SCLT1: variants seen among roughly 807,000 people sequenced by gnomAD.
SCLT1 encodes sodium channel and clathrin linker 1.
SCLT1 carries 78 observed loss-of-function variants against 112.8 expected under a neutral mutation model. The observed-to-expected ratio is 0.69, with a 90% confidence interval of 0.58 to 0.83. The LOEUF (loss-of-function observed/expected upper bound fraction) is 0.83. Among genes scored for constraint, SCLT1 ranks in the 40% least tolerant of loss-of-function variants. The pLI is 0.00. For synonymous variants in SCLT1, 257 were observed against 254.7 expected (o/e 1.01, Z -0.09); for missense variants, 747 against 770.4 (o/e 0.97, Z 0.36).
intron 18 of SCLT1, among the ~76,000 whole-genome samples, chr4:128,931,088 T>C (rs1444557022): frequency 6.6e-6 from 1 of 150,974 alleles, no homozygotes; most frequent in African/African-American, 2.4e-5. Context: ...CATAGGCATC[T>C]AAAAGCCAAT....
chr4:129,006,556 T>C (rs768031102), intron 5 of SCLT1, among the ~76,000 whole-genome samples: 2 of 141,620 alleles, frequency 1.4e-5, no homozygotes, highest in African/African-American at 2.8e-5. Context: ...AAAAAAAAAA[T>C]TTAAAGGTCA....
intron 9 of SCLT1, among the ~76,000 whole-genome samples, chr4:128,972,593 G>A (rs1014990897): frequency 6.6e-6 from 1 of 152,184 alleles, no homozygotes; most frequent in African/African-American, 2.4e-5. Context: ...AACAGAGGTG[G>A]ATTAGGCAAT....
chr4:129,005,334 C>T (rs1037618956), intron 5 of SCLT1, among the ~76,000 whole-genome samples: 7 of 152,028 alleles, frequency 4.6e-5, no homozygotes, highest in East Asian at 3.8e-4. Flanking sequence ...ATATTTAGTA[C>T]ACTGTACTTT....
chr4:128,939,595 T>A (rs1737509147), intron 17 of SCLT1, among the ~76,000 whole-genome samples: 1 of 152,164 alleles, frequency 6.6e-6, no homozygotes, highest in Admixed American at 6.6e-5. Flanking sequence ...GATAACTGAA[T>A]TGCTGGAAAC....
rs1738125667 is a variant in SCLT1 at position 128,945,995 on chromosome 4, A to G, written c.1439+12T>C. On this transcript the variant is annotated intron_variant, in intron 16 of 20. Transcript: ENST00000281142. ...AAGATGTTATCATAGAAAATCCAAA[A>G]GAAAAACTTACTCAGTTTCAAGTTG... 1 of 1,579,630 alleles carries G rather than the reference A, an allele frequency of 6.3e-7. No individual in the cohort carries two copies. Among genetic ancestry groups the G allele is most frequent in the East Asian group, 2.3e-5 (1 of 44,440 alleles).
chr4:128,892,626 T>C (rs773963670), intron 18 of SCLT1, among the ~76,000 whole-genome samples: 1 of 152,194 alleles, frequency 6.6e-6, no homozygotes. Context: ...GTTATAAATA[T>C]ATAAAACAGA....
At chr4:128,936,627 C>T in intron 18 of SCLT1, 28 bp downstream of exon 18, 1 of 1,401,558 alleles carries the variant, frequency 7.1e-7, no homozygotes, top group Non-Finnish European at 9.8e-7. Context: ...TTCTGTAAAA[C>T]ATGTCAAACA....
intron 10 of SCLT1, among the ~76,000 whole-genome samples, chr4:128,968,904 T>C (rs972006861): frequency 6.6e-6 from 1 of 152,194 alleles, no homozygotes; most frequent in Admixed American, 6.5e-5. Flanking sequence ...GGGCTCATCA[T>C]CTTTGTGGTT....
At chr4:128,992,718 G>C (rs1162664357) in intron 8 of SCLT1, among the ~76,000 whole-genome samples, 1 of 151,812 alleles carries the variant, frequency 6.6e-6, no homozygotes, top group Non-Finnish European at 1.5e-5. Flanking sequence ...CCCTTTATTG[G>C]CTGTCTTCTC....
At chr4:128,977,236 T>C (rs17013994) in intron 9 of SCLT1, among the ~76,000 whole-genome samples, 3,007 of 152,310 alleles carry the variant, frequency 0.02, 105 homozygotes, top group African/African-American at 0.065. Flanking sequence ...CCCGACACTG[T>C]GAATATAATT....
intron 5 of SCLT1, among the ~76,000 whole-genome samples, chr4:129,035,670 A>G (rs966017204): frequency 1.3e-5 from 2 of 152,158 alleles, no homozygotes; most frequent in Admixed American, 1.3e-4. Flanking sequence ...ACATGTATTC[A>G]TTCATTTATT....
chr4:128,970,581 T>C (rs556629927), intron 9 of SCLT1, 113 bp from the exon 10 acceptor site: 2 of 639,756 alleles, frequency 3.1e-6, no homozygotes, highest in African/African-American at 1.8e-5. Context: ...TTATCTAAAA[T>C]GGATCCATGG....
At chr4:128,904,025 A>AC (rs1242758959) in intron 18 of SCLT1, among the ~76,000 whole-genome samples, 1 of 152,206 alleles carries the variant, frequency 6.6e-6, no homozygotes, top group Non-Finnish European at 1.5e-5. Context: ...AGAAACATTC[A>AC]TACCTATCAG....
Position 129,064,425 on chromosome 4 carries a change from A to G in SCLT1, c.102+17881T>C, listed in dbSNP as rs530098029. On this transcript the variant is annotated intron_variant, in intron 2 of 20. Transcript: ENST00000281142. ...CTCTAGATTCTGAAGAGTATCTGCA[A>G]CTGACCCTCAAAAATTGTATAGATT... is the stretch of plus-strand genomic sequence containing the variant. 2.3e-3 allele frequency among the ~76,000 whole-genome samples: 357 copies of G among 152,292 alleles called. 2 individuals carry two copies. The highest frequency in any genetic ancestry group is 4.1e-3 in the Admixed American group (63 of 15,288).
intron 1 of SCLT1, among the ~76,000 whole-genome samples, chr4:129,091,861 A>G (rs573805515): frequency 6.6e-6 from 1 of 152,310 alleles, no homozygotes; most frequent in South Asian, 2.1e-4. Flanking sequence ...GTGAGCCCAG[A>G]CAGACTAAAT....
chr4:129,065,540 A>G (rs1297900404), intron 2 of SCLT1, among the ~76,000 whole-genome samples: 1 of 152,108 alleles, frequency 6.6e-6, no homozygotes, highest in African/African-American at 2.4e-5. Flanking sequence ...CTGTAGCACA[A>G]ATGGAGTCAT....
chr4:128,949,908 A>G (rs1436084626), intron 14 of SCLT1, among the ~76,000 whole-genome samples: 1 of 150,630 alleles, frequency 6.6e-6, no homozygotes, highest in Non-Finnish European at 1.5e-5. Flanking sequence ...CTAACTGTAC[A>G]CTACGTACTA....
At chr4:129,011,753 G>A (rs897674931) in intron 5 of SCLT1, among the ~76,000 whole-genome samples, 2 of 151,948 alleles carry the variant, frequency 1.3e-5, no homozygotes, top group African/African-American at 4.8e-5. Context: ...TTTCCTCCTG[G>A]TTTAGTCTTA....
At chr4:128,885,835 G>A (rs1256439318) in intron 20 of SCLT1, among the ~76,000 whole-genome samples, 3 of 152,188 alleles carry the variant, frequency 2.0e-5, no homozygotes. Context: ...AAAAAATGAT[G>A]TGATTACAGT....
Sources: gnomAD v4.1 joint callset for allele counts (sites outside exome capture counted in the v4.1 genomes callset) on GRCh38, gnomAD v4.1.1 for gene constraint, MANE v1.5 for transcripts, NCBI Gene and HGNC (gene_info 2026-07-23, HGNC 2026-07-21) for gene names.